The following KHDRBS2 variants were observed in gnomAD, a reference collection of about 807,000 sequenced individuals.
KHDRBS2 encodes KH domain-containing, RNA-binding, signal transduction-associated protein 2.
KHDRBS2 carries 26 observed loss-of-function variants against 44.3 expected under a neutral mutation model. That is an observed-to-expected ratio of 0.59 (90% CI 0.43 to 0.81). KHDRBS2 has a LOEUF of 0.81. KHDRBS2 is among the 40% of genes least tolerant of loss of function. KHDRBS2 has a pLI of 0.00. For missense variants in KHDRBS2, 476 were observed against 433.1 expected (o/e 1.10, Z -0.88); for synonymous variants, 194 against 151.1 (o/e 1.28, Z -2.08).
At chr6:61,909,910 A>C (rs1583460746) in intron 4 of KHDRBS2, among the ~76,000 whole-genome samples, 1 of 152,228 alleles carries the variant, frequency 6.6e-6, no homozygotes, top group African/African-American at 2.4e-5. Context: ...GGTGCTGCAC[A>C]TTTAAAACTG....
At chr6:62,200,951 T>A (rs1289031100) in intron 1 of KHDRBS2, among the ~76,000 whole-genome samples, 4 of 152,100 alleles carry the variant, frequency 2.6e-5, no homozygotes, top group African/African-American at 9.7e-5. Context: ...TGGATGAAGC[T>A]GGAAACCATC....
chr6:62,274,268 T>C (rs2150191002), intron 1 of KHDRBS2, among the ~76,000 whole-genome samples: 1 of 152,312 alleles, frequency 6.6e-6, no homozygotes, highest in South Asian at 2.1e-4. Context: ...TCTCGAACTG[T>C]TGCTGTAGCT....
At chr6:61,826,024 A>C (rs892864921) in intron 6 of KHDRBS2, among the ~76,000 whole-genome samples, 3 of 152,168 alleles carry the variant, frequency 2.0e-5, no homozygotes, top group African/African-American at 7.2e-5. Flanking sequence ...GGACATTCTT[A>C]ACCTGACAAC....
At chr6:61,915,374 G>T (rs1456403102) in intron 4 of KHDRBS2, among the ~76,000 whole-genome samples, 1 of 151,950 alleles carries the variant, frequency 6.6e-6, no homozygotes, top group Non-Finnish European at 1.5e-5. Context: ...TTCTGTATAA[G>T]GAAAATAGGA....
chr6:62,260,292 G>A (rs1838129546), intron 1 of KHDRBS2, among the ~76,000 whole-genome samples: 1 of 151,944 alleles, frequency 6.6e-6, no homozygotes. Flanking sequence ...TAAGTGCCAG[G>A]TACCTTCCTT....
chr6:62,008,098 A>G (rs1246398142), intron 3 of KHDRBS2, among the ~76,000 whole-genome samples: 1 of 152,186 alleles, frequency 6.6e-6, no homozygotes, highest in Non-Finnish European at 1.5e-5. Flanking sequence ...CCTGATTAAA[A>G]CACCACACAA....
intron 1 of KHDRBS2, among the ~76,000 whole-genome samples, chr6:62,265,463 T>G (rs1386331006): frequency 6.6e-6 from 1 of 151,832 alleles, no homozygotes; most frequent in Non-Finnish European, 1.5e-5. Flanking sequence ...AGACATATCA[T>G]TAGTAGTGAA....
intron 8 of KHDRBS2, among the ~76,000 whole-genome samples, chr6:61,696,651 T>C (rs1767946490): frequency 6.6e-6 from 1 of 152,178 alleles, no homozygotes; most frequent in South Asian, 2.1e-4. Flanking sequence ...CTGAGTATAA[T>C]TATGATTAAT....
intron 4 of KHDRBS2, among the ~76,000 whole-genome samples, chr6:61,965,313 T>C (rs1769669332): frequency 6.6e-6 from 1 of 152,030 alleles, no homozygotes; most frequent in Non-Finnish European, 1.5e-5. Context: ...GAGGACCCAG[T>C]CTAGACTGCT....
intron 4 of KHDRBS2, among the ~76,000 whole-genome samples, chr6:61,906,875 C>T (rs1361341652): frequency 6.7e-6 from 1 of 150,354 alleles, no homozygotes; most frequent in Non-Finnish European, 1.5e-5. Context: ...GCAGATATCT[C>T]TTTGATATAC....
intron 4 of KHDRBS2, among the ~76,000 whole-genome samples, chr6:61,950,636 G>C (rs772099822): frequency 1.7e-4 from 26 of 151,966 alleles, no homozygotes; most frequent in Non-Finnish European, 3.5e-4. Context: ...CTTCCCTGGA[G>C]TTGGATTATT....
intron 2 of KHDRBS2, among the ~76,000 whole-genome samples, chr6:62,165,528 A>AT (rs1818504367): frequency 6.6e-6 from 1 of 151,826 alleles, no homozygotes; most frequent in Admixed American, 6.6e-5. Context: ...TTGTTTAAAT[A>AT]TTTTTAAAAA....
intron 3 of KHDRBS2, among the ~76,000 whole-genome samples, chr6:62,005,569 GTCTT>G (rs1329050415): frequency 8.6e-5 from 13 of 151,582 alleles, no homozygotes; most frequent in Admixed American, 2.6e-4. Flanking sequence ...AGAAAGGAAA[GTCTT>G]TAGGGACCAA....
At chr6:62,058,280 G>T (rs1790761047) in intron 2 of KHDRBS2, among the ~76,000 whole-genome samples, 1 of 151,860 alleles carries the variant, frequency 6.6e-6, no homozygotes, top group South Asian at 2.1e-4. Flanking sequence ...CCTGCAGAGA[G>T]AATTCTTCAT....
At chr6:61,913,213 TAAGAG>T (rs1444492893) in intron 4 of KHDRBS2, among the ~76,000 whole-genome samples, 1 of 152,114 alleles carries the variant, frequency 6.6e-6, no homozygotes, top group Non-Finnish European at 1.5e-5. Context: ...TTTCATCCAA[TAAGAG>T]AAATGATAGG....
chr6:62,101,130 A>G (rs1339977839), intron 2 of KHDRBS2, among the ~76,000 whole-genome samples: 1 of 152,178 alleles, frequency 6.6e-6, no homozygotes, highest in East Asian at 1.9e-4. Flanking sequence ...TTTTATTTAT[A>G]ATATGAAGAG....
At chr6:62,203,318 C>G (rs920081977) in intron 1 of KHDRBS2, among the ~76,000 whole-genome samples, 1 of 151,902 alleles carries the variant, frequency 6.6e-6, no homozygotes, top group African/African-American at 2.4e-5. Context: ...AGATAGGATG[C>G]CAGTGCAATG....
At chr6:62,072,130 T>A (rs1035675138) in intron 2 of KHDRBS2, among the ~76,000 whole-genome samples, 2 of 152,188 alleles carry the variant, frequency 1.3e-5, no homozygotes, top group African/African-American at 4.8e-5. Flanking sequence ...ACTCATGATT[T>A]GGCTCTCTGT....
chr6:62,272,895 T>C lies in KHDRBS2; in HGVS notation c.91+12963A>G, dbSNP rs58220906. ...GGATGAAGAATGGAGATATAGAGAA[T>C]AGGAGACTACAGGAGTTCTGTTGTA... On this transcript the variant is annotated intron_variant, in intron 1 of 8. Transcript: ENST00000281156. Among the ~76,000 whole-genome samples, 529 of 152,116 alleles carry C rather than the reference T, an allele frequency of 3.5e-3. 4 individuals are homozygous for C. Among genetic ancestry groups the C allele is most frequent in the African/African-American group, 0.012 (487 of 41,508 alleles).
Sources: allele counts gnomAD v4.1 joint callset (sites outside exome capture counted in the v4.1 genomes callset), GRCh38; gene constraint gnomAD v4.1.1; transcripts MANE v1.5; gene names NCBI Gene and HGNC (gene_info 2026-07-23, HGNC 2026-07-21).